Variants in CACNA2D2 observed in about 807,000 individuals in gnomAD.
CACNA2D2 encodes calcium voltage-gated channel auxiliary subunit alpha2delta 2, also known as voltage-dependent calcium channel subunit alpha-2/delta-2.
CACNA2D2 carries 48 observed loss-of-function variants against 166.4 expected under a neutral mutation model. The observed-to-expected ratio is 0.29, with a 90% CI of 0.23 to 0.37. CACNA2D2 has a LOEUF of 0.37. Among genes scored for constraint, CACNA2D2 ranks in the 10% least tolerant of loss-of-function variants. CACNA2D2 has a pLI of 1.00. For missense variants in CACNA2D2, 1,122 were observed against 1,433.0 expected (o/e 0.78, Z 3.50); for synonymous variants, 561 against 573.7 (o/e 0.98, Z 0.32).
chr3:50,401,636 A>C (rs1230943914), intron 3 of CACNA2D2, among the ~76,000 whole-genome samples: 1 of 152,128 alleles, frequency 6.6e-6, no homozygotes, highest in African/African-American at 2.4e-5. Flanking sequence ...TTGCCAAGAG[A>C]GGACACTTAA....
Position 50,381,080 on chromosome 3 carries a change from A to G in CACNA2D2, c.699T>C (p.Asn233=), listed in dbSNP as rs1480096327. 2.5e-6 allele frequency: 4 copies of G among 1,612,620 alleles called. No homozygotes were observed. Among genetic ancestry groups the G allele is most frequent in the Non-Finnish European group, 3.4e-6 (4 of 1,179,266 alleles). ...CTTGTCTGCGGTTTTCCATGAACAC[A>G]TTCTCCAGGGCCTCTGTCCAGTTGA... is the stretch of plus-strand genomic sequence containing the variant. ...NELNWTEALE[N]VFMENRRQDP... Residue 233 remains asparagine, a synonymous_variant, in exon 7 of 38, where the codon AAT becomes AAC. Transcript: ENST00000424201.
At chr3:50,440,619 T>C (rs183394561) in intron 2 of CACNA2D2, among the ~76,000 whole-genome samples, 203 of 152,228 alleles carry the variant, frequency 1.3e-3, no homozygotes, top group African/African-American at 4.6e-3. Flanking sequence ...CGGGCTACAG[T>C]GGAGGTCACA....
At chr3:50,492,103 T>A (rs1698543608) in intron 1 of CACNA2D2, among the ~76,000 whole-genome samples, 1 of 152,124 alleles carries the variant, frequency 6.6e-6, no homozygotes, top group South Asian at 2.1e-4. Context: ...CACCCTGAAG[T>A]CACCCTCCCC....
chr3:50,390,173 T>G (rs749227404), intron 4 of CACNA2D2, among the ~76,000 whole-genome samples: 1 of 152,172 alleles, frequency 6.6e-6, no homozygotes, highest in Non-Finnish European at 1.5e-5. Context: ...CCTCAAATTC[T>G]GACCTGGACA....
chr3:50,463,987 C>G (rs938427314), intron 2 of CACNA2D2, among the ~76,000 whole-genome samples: 1 of 152,204 alleles, frequency 6.6e-6, no homozygotes, highest in African/African-American at 2.4e-5. Flanking sequence ...TGGGTGGGCT[C>G]GGTTGCCTCT....
At chr3:50,418,241 G>A (rs917026790) in intron 3 of CACNA2D2, among the ~76,000 whole-genome samples, 2 of 152,180 alleles carry the variant, frequency 1.3e-5, no homozygotes, top group African/African-American at 4.8e-5. Context: ...TGCTCAACAT[G>A]TGTCTGTAAA....
chr3:50,426,782 C>T (rs1707826062), intron 3 of CACNA2D2, among the ~76,000 whole-genome samples: 1 of 152,118 alleles, frequency 6.6e-6, no homozygotes. Flanking sequence ...AGCCCCAAAT[C>T]CACAAGTCAA....
intron 6 of CACNA2D2, 139 bp from the exon 7 acceptor site, chr3:50,381,265 G>A (rs1401433181): frequency 2.1e-6 from 2 of 933,822 alleles, no homozygotes; most frequent in Admixed American, 4.5e-5. Flanking sequence ...CTATTTCCTA[G>A]GGCCCAGCTG....
chr3:50,387,553 G>C lies in CACNA2D2; in HGVS notation c.510+15C>G, dbSNP rs1211701899. On this transcript the variant is annotated intron_variant, in intron 5 of 37. Transcript: ENST00000424201. Reference sequence around the variant, plus strand: ...AGGCCCAGCAAGGAGGTGTGGCTCAGGAGGGGGTGCTCACCAGCTCAGCGT... The same window carrying C: ...AGGCCCAGCAAGGAGGTGTGGCTCACGAGGGGGTGCTCACCAGCTCAGCGT... The C allele has an allele frequency of 1.9e-5, 30 of 1,612,056 alleles. No homozygotes were observed. Among genetic ancestry groups the C allele is most frequent in the Non-Finnish European group, 2.5e-5 (29 of 1,178,176 alleles).
rs1016666353 is a variant in CACNA2D2, at chr3:50,441,995, G to A, written c.289-7566C>T. Reference sequence around the variant, plus strand: ...CCAGCCCAGCTGTCAGGAATGCTGAGAAGGGACTCACCCATCATTAGCAAG... The same window carrying A: ...CCAGCCCAGCTGTCAGGAATGCTGAAAAGGGACTCACCCATCATTAGCAAG... On this transcript the variant is annotated intron_variant, in intron 2 of 37. Coordinates refer to ENST00000424201, the MANE Select transcript of CACNA2D2 (RefSeq NM_006030.4). Among the ~76,000 whole-genome samples, 13 of 152,220 alleles carry A rather than the reference G, an allele frequency of 8.5e-5. No individual in the cohort carries two copies. The East Asian group carries it at 1.2e-3, about 14-fold the overall frequency.
chr3:50,377,334 T>G, intron 17 of CACNA2D2, 133 bp downstream of exon 17: 1 of 703,350 alleles, frequency 1.4e-6, no homozygotes, highest in Non-Finnish European at 2.4e-6. Context: ...GGTCACCTCC[T>G]GGGGAAGCCT....
intron 5 of CACNA2D2, among the ~76,000 whole-genome samples, 172 bp from the exon 6 acceptor site, chr3:50,384,509 C>G (rs986306429): frequency 6.6e-6 from 1 of 152,186 alleles, no homozygotes; most frequent in Admixed American, 6.5e-5. Context: ...CAGATGGACA[C>G]GGGGTTGGAC....
At chr3:50,385,077 G>A (rs1705520589) in intron 5 of CACNA2D2, among the ~76,000 whole-genome samples, 1 of 152,170 alleles carries the variant, frequency 6.6e-6, no homozygotes, top group Admixed American at 6.5e-5. Context: ...GGCTGGGCAT[G>A]CACCGTGCGC....
intron 2 of CACNA2D2, among the ~76,000 whole-genome samples, chr3:50,475,495 C>A (rs1575748421): frequency 6.6e-6 from 1 of 152,216 alleles, no homozygotes; most frequent in Non-Finnish European, 1.5e-5. Context: ...ACGTAGAGAG[C>A]AATGGCTCAG....
Position 50,363,327 on chromosome 3 carries a change from A to C in CACNA2D2, c.*1339T>G, listed in dbSNP as rs1316964156. Reference sequence around the variant, plus strand: ...TAACGAAGCCATTAATTAATGCATCACCCTCCCCCTCCTCCCAGTCCATCT... The same window carrying C: ...TAACGAAGCCATTAATTAATGCATCCCCCTCCCCCTCCTCCCAGTCCATCT... On this transcript the variant is annotated 3_prime_UTR_variant, in exon 38 of 38. Transcript: ENST00000424201. The C allele has an allele frequency of 7.5e-6, 3 of 397,810 alleles. No individual in the cohort carries two copies. Among genetic ancestry groups the C allele is most frequent in the African/African-American group, 2.1e-5 (1 of 48,272 alleles). The allele number at this position is 397,810 out of a possible 1,614,324, so 24.6% of individuals were successfully genotyped here.
rs769204041 is a variant in CACNA2D2, at chr3:50,381,139, G to A, written c.653-13C>T. The A allele has an allele frequency of 7.4e-6, 12 of 1,613,058 alleles. No homozygotes were observed. The highest frequency in any genetic ancestry group is 1.7e-5 in the Admixed American group (1 of 59,968). The stretch of plus-strand genomic sequence containing the variant: ...AGGATGACAGTGGCTGGGGGGAAGC[G>A]GGGAGCTGGGGTGGGGAGCACCTGG... On this transcript the variant is annotated splice_polypyrimidine_tract_variant and intron_variant, in intron 6 of 37. Transcript: ENST00000424201.
intron 3 of CACNA2D2, among the ~76,000 whole-genome samples, chr3:50,398,130 C>G (rs1034764668): frequency 6.6e-6 from 1 of 152,172 alleles, no homozygotes; most frequent in Non-Finnish European, 1.5e-5. Flanking sequence ...ATTGGGATAC[C>G]ACGCAGGGCA....
chr3:50,367,801 G>A lies in CACNA2D2; in HGVS notation c.2234+11C>T, dbSNP rs777813853. Reference sequence around the variant, plus strand: ...CTAGCCTTCTGCCCCCACAGGCTGGGTGATGCCTACGTGTTGAGATCCTGG... The same window carrying A: ...CTAGCCTTCTGCCCCCACAGGCTGGATGATGCCTACGTGTTGAGATCCTGG... On this transcript the variant is annotated intron_variant, in intron 25 of 37. Coordinates refer to ENST00000424201, the MANE Select transcript of CACNA2D2 (RefSeq NM_006030.4). The surrounding 1 kb of genome is among the most constrained non-coding windows in gnomAD (Gnocchi z 6.5). 7.4e-6 allele frequency: 12 copies of A among 1,613,078 alleles called. No individual in the cohort carries two copies. In the South Asian group the frequency reaches 9.9e-5, roughly 13 times the overall value.
intron 2 of CACNA2D2, among the ~76,000 whole-genome samples, chr3:50,444,616 G>A (rs564865168): frequency 6.6e-6 from 1 of 152,324 alleles, no homozygotes; most frequent in African/African-American, 2.4e-5. Context: ...CTCACAGGCT[G>A]GAATTCTGTC....
Sources: allele counts gnomAD v4.1 joint callset (sites outside exome capture counted in the v4.1 genomes callset), GRCh38; gene constraint gnomAD v4.1.1; non-coding constraint Gnocchi (gnomAD v3.1); transcripts MANE v1.5; gene names NCBI Gene and HGNC (gene_info 2026-07-23, HGNC 2026-07-21).